TRAK1: variants seen among roughly 807,000 people sequenced by gnomAD.
The protein encoded by TRAK1 is trafficking kinesin protein 1, also known as trafficking kinesin-binding protein 1.
TRAK1 carries 33 observed loss-of-function variants against 92.1 expected under a neutral mutation model. The ratio of observed to expected loss-of-function variants is 0.36; its 90% CI spans 0.27 to 0.48. The LOEUF is 0.48. Ranked by LOEUF, TRAK1 falls within the 20% of genes least tolerant of loss-of-function variation. TRAK1 has a pLI of 0.99. For missense variants in TRAK1, 1,123 were observed against 1,257.9 expected (o/e 0.89, Z 1.62); for synonymous variants, 521 against 517.3 (o/e 1.01, Z -0.10).
In TRAK1 at chr3:42,078,613, T is replaced by A. The variant is rs146283593; in HGVS notation, c.-518-8491T>A. On this transcript the variant is annotated intron_variant, in intron 1 of 16. Coordinates refer to the TRAK1 transcript ENST00000487159. ...CTAAAAATACAAAAAATTAGCCGGG[T>A]GTGGTGGCGGGTGCCTGTAGTCCCA... 4.1e-3 allele frequency among the ~76,000 whole-genome samples: 614 copies of A among 150,274 alleles called. 7 individuals carry two copies. The highest frequency in any genetic ancestry group is 0.03 in the East Asian group (153 of 5,098).
At chr3:42,013,350 AC>A (rs1217479736), upstream of TRAK1, among the ~76,000 whole-genome samples, 2 of 151,882 alleles carry the variant, frequency 1.3e-5, no homozygotes, top group African/African-American at 4.8e-5. This position sits in a 1 kb window ranked among gnomAD's most constrained non-coding sequence, Gnocchi z 5.1. Context: ...CTCTGGAAGG[AC>A]CCCGAGAAGT....
intron 2 of TRAK1, among the ~76,000 whole-genome samples, chr3:42,150,612 G>T (rs1699851035): frequency 6.6e-6 from 1 of 152,124 alleles, no homozygotes; most frequent in Non-Finnish European, 1.5e-5. Flanking sequence ...GACTACATTT[G>T]ATTAACCTGA....
intron 1 of TRAK1, among the ~76,000 whole-genome samples, chr3:42,019,388 G>A (rs1173590963): frequency 2.0e-5 from 3 of 152,118 alleles, no homozygotes; most frequent in South Asian, 2.1e-4. Flanking sequence ...CCATCTTCCC[G>A]CTTTGGCTTC....
intron 1 of TRAK1, among the ~76,000 whole-genome samples, chr3:42,030,726 A>G (rs1287240362): frequency 8.1e-5 from 4 of 49,404 alleles, no homozygotes; most frequent in African/African-American, 2.5e-4. Flanking sequence ...ATATATATAT[A>G]TATATATATA....
Position 42,202,463 on chromosome 3 carries a change from G to A in TRAK1, c.1455G>A (p.Gly485=). 1.3e-6 allele frequency: 2 copies of A among 1,486,658 alleles called. No individual in the cohort carries two copies. The highest frequency in any genetic ancestry group is 1.4e-5 in the South Asian group (1 of 69,780). 92.1% of individuals were successfully genotyped at this position (1,486,658 alleles called of 1,614,324 possible). ...LGNDERSKKP[G]TPGTPGSHDL... ...ACGATGAGCGGAGTAAGAAGCCGGG[G>A]ACGCCGGGCACCCCAGGCTCCCACG... The change falls in exon 13 of 16, where the codon GGG becomes GGA. Residue 485 remains glycine (G), a synonymous_variant. Transcript: ENST00000327628. The surrounding 1 kb of genome is among the most constrained non-coding windows in gnomAD (Gnocchi z 6.1).
intron 1 of TRAK1, among the ~76,000 whole-genome samples, chr3:42,094,902 C>T (rs956272096): frequency 3.3e-5 from 5 of 152,142 alleles, no homozygotes; most frequent in Non-Finnish European, 7.4e-5. Context: ...GATTGAGGCC[C>T]GGGAACTGGT....
intron 14 of TRAK1, chr3:42,217,312 G>C (rs1709831875): frequency 2.0e-6 from 2 of 985,258 alleles, no homozygotes; most frequent in Non-Finnish European, 2.4e-6. Flanking sequence ...CAGGCGTCCT[G>C]GTGGTATTTT....
chr3:42,170,824 CTTT>C (rs772908047), intron 2 of TRAK1, among the ~76,000 whole-genome samples: 9 of 139,612 alleles, frequency 6.4e-5, no homozygotes, highest in African/African-American at 1.0e-4. Flanking sequence ...TCTTGAATAT[CTTT>C]TTTTTTTTTT....
At chr3:42,177,114 G>A (rs1417324639) in intron 3 of TRAK1, among the ~76,000 whole-genome samples, 1 of 152,216 alleles carries the variant, frequency 6.6e-6, no homozygotes, top group Admixed American at 6.5e-5. Context: ...GGCACCAAAT[G>A]TGGTGTGTTT....
intron 14 of TRAK1, chr3:42,212,241 T>C (rs9747): frequency 0.097 from 95,926 of 985,248 alleles, 7,423 homozygotes; most frequent in African/African-American, 0.38. Flanking sequence ...GTATCCATGG[T>C]GGTCTGGTCC....
At chr3:42,153,396 T>TA (rs1009769173) in intron 2 of TRAK1, among the ~76,000 whole-genome samples, 2 of 151,392 alleles carry the variant, frequency 1.3e-5, no homozygotes, top group African/African-American at 2.4e-5. Context: ...GATCCTGTCT[T>TA]AAAAAAAATA....
intron 1 of TRAK1, among the ~76,000 whole-genome samples, chr3:42,047,200 CTTTTTTTTTTTTT>C (rs561224807): frequency 2.8e-5 from 3 of 107,154 alleles, no homozygotes; most frequent in Non-Finnish European, 3.8e-5. Context: ...AAAAACTGAT[CTTTTTTTTTTTTT>C]TTTTTTTTTT....
At chr3:42,134,084 A>G (rs1014148802) in intron 2 of TRAK1, among the ~76,000 whole-genome samples, 1 of 152,290 alleles carries the variant, frequency 6.6e-6, no homozygotes. Context: ...ACAAGAGCCC[A>G]GATGCCTAGG....
At chr3:42,107,691 A>G (rs1707778693) in intron 1 of TRAK1, among the ~76,000 whole-genome samples, 1 of 152,092 alleles carries the variant, frequency 6.6e-6, no homozygotes, top group African/African-American at 2.4e-5. Flanking sequence ...CTTAGCCTGT[A>G]ACCTCTTGGT....
At chr3:42,172,309 A>T (rs1253973897) in intron 2 of TRAK1, among the ~76,000 whole-genome samples, 1 of 151,970 alleles carries the variant, frequency 6.6e-6, no homozygotes, top group Non-Finnish European at 1.5e-5. Context: ...CTGACTTTCC[A>T]TCTCATGCCC....
At chr3:42,143,661 C>T (rs1698976168) in intron 2 of TRAK1, among the ~76,000 whole-genome samples, 1 of 152,162 alleles carries the variant, frequency 6.6e-6, no homozygotes, top group South Asian at 2.1e-4. Context: ...CTCCTGGGAC[C>T]TGTTTTTATT....
At chr3:42,212,070 T>G in intron 14 of TRAK1, 1 of 985,410 alleles carries the variant, frequency 1.0e-6, no homozygotes, top group Non-Finnish European at 1.2e-6. Context: ...TTTTCTCTAT[T>G]GGGAATTACA....
At chr3:42,217,161 C>A in intron 14 of TRAK1, 1 of 763,306 alleles carries the variant, frequency 1.3e-6, no homozygotes, top group Non-Finnish European at 1.6e-6. Flanking sequence ...GGAATCAGCC[C>A]GTTGCTTCTC....
chr3:42,062,175 T>G (rs1703474196), intron 1 of TRAK1, among the ~76,000 whole-genome samples: 1 of 152,184 alleles, frequency 6.6e-6, no homozygotes, highest in African/African-American at 2.4e-5. Flanking sequence ...TTCCTGTGGA[T>G]GAAGTGGAAT....
Sources: allele counts gnomAD v4.1 joint callset (sites outside exome capture counted in the v4.1 genomes callset), GRCh38; gene constraint gnomAD v4.1.1; non-coding constraint Gnocchi (gnomAD v3.1); transcripts MANE v1.5; gene names NCBI Gene and HGNC (gene_info 2026-07-23, HGNC 2026-07-21).